The following KIAA1328 variants were observed in gnomAD, a reference collection of about 807,000 sequenced individuals.
KIAA1328 encodes protein hinderin.
A neutral mutation model predicts 68.1 loss-of-function variants in KIAA1328; 52 were observed. The ratio of observed to expected loss-of-function variants is 0.76; its 90% CI spans 0.61 to 0.96. The LOEUF (loss-of-function observed/expected upper bound fraction) is 0.96. KIAA1328 is among the 40% of genes least tolerant of loss of function. The probability of loss-of-function intolerance (pLI) is 0.00; values close to 1 mark genes in which losing one functional copy is unlikely to be tolerated. For missense variants in KIAA1328, 641 were observed against 677.6 expected, an observed-to-expected ratio of 0.95 and a Z score of 0.60; for synonymous variants, 232 against 239.4, an observed-to-expected ratio of 0.97 and a Z score of 0.28.
At chr18:37,232,058 A>G (rs942147198), downstream of KIAA1328, 2 of 152,204 alleles carry the variant, frequency 1.3e-5, no homozygotes, top group African/African-American at 4.8e-5. Flanking sequence ...TTTTCCAGGG[A>G]CAGTTATTTA....
intron 9 of KIAA1328, among the ~76,000 whole-genome samples, chr18:37,177,825 GTTTATT>G (rs1376144411): frequency 6.6e-6 from 1 of 151,870 alleles, no homozygotes; most frequent in Non-Finnish European, 1.5e-5. Context: ...TTAAAAAATA[GTTTATT>G]TTTATTAATT....
intron 1 of KIAA1328, among the ~76,000 whole-genome samples, chr18:36,831,850 A>C (rs961397073): frequency 6.6e-6 from 1 of 152,094 alleles, no homozygotes; most frequent in Non-Finnish European, 1.5e-5. Context: ...CTTCCTCTCT[A>C]CCACTTCTGC....
At chr18:37,133,792 G>A (rs538688378) in intron 7 of KIAA1328, among the ~76,000 whole-genome samples, 1 of 152,044 alleles carries the variant, frequency 6.6e-6, no homozygotes, top group Non-Finnish European at 1.5e-5. Context: ...CCAAAGTGCT[G>A]TGATTATAGG....
In KIAA1328 at chr18:36,834,291, T is replaced by G. The variant is rs763833651; in HGVS notation, c.59-29T>G. On this transcript the variant is annotated intron_variant, in intron 1 of 9. Transcript: ENST00000280020. ...GCATTTGGATGCCGGATAATATTAT[T>G]GTATTTTCCTTCATGTTCTCCTGCG... 4.5e-6 allele frequency: 7 copies of G among 1,543,950 alleles called. No homozygotes were observed. The South Asian group carries it at 9.3e-5, about 20-fold the overall frequency.
chr18:37,058,904 GT>G lies in KIAA1328; in HGVS notation c.577-7976del, dbSNP rs995042615. Among the ~76,000 whole-genome samples the G allele has an allele frequency of 3.0e-3, 446 of 147,820 alleles. 1 individual carries two copies. The highest frequency in any genetic ancestry group is 0.014 in the Middle Eastern group (4 of 282). ...GGAGGGTCTTTTGTGTGCAAGTTGT[GT>G]TTTTTTTTTCTTGGATAGTGGTTAC... On this transcript the variant is annotated intron_variant, in intron 6 of 9. Coordinates refer to ENST00000280020, the MANE Select transcript of KIAA1328 (RefSeq NM_020776.3).
At chr18:37,154,030 G>A (rs903752461) in intron 7 of KIAA1328, among the ~76,000 whole-genome samples, 1 of 152,028 alleles carries the variant, frequency 6.6e-6, no homozygotes, top group Non-Finnish European at 1.5e-5. Context: ...GTGCCTTAGA[G>A]AATCCGTGTT....
intron 9 of KIAA1328, 48 bp from the exon 10 acceptor site, chr18:37,221,969 A>AT (rs774726493): frequency 6.4e-7 from 1 of 1,569,892 alleles, no homozygotes; most frequent in Admixed American, 1.8e-5. Flanking sequence ...TTGAATTCTC[A>AT]TTTTCTAATA....
intron 6 of KIAA1328, among the ~76,000 whole-genome samples, chr18:37,059,521 T>C (rs1476643866): frequency 6.6e-6 from 1 of 152,054 alleles, no homozygotes; most frequent in East Asian, 1.9e-4. Context: ...ATGGCGATCA[T>C]TAAAAAGTGA....
intron 6 of KIAA1328, among the ~76,000 whole-genome samples, chr18:36,964,421 GT>G (rs2051829394): frequency 6.6e-6 from 1 of 152,062 alleles, no homozygotes; most frequent in African/African-American, 2.4e-5. Context: ...GACTTTTTCT[GT>G]TTCTTGTTTG....
intron 5 of KIAA1328, among the ~76,000 whole-genome samples, chr18:36,900,567 T>C (rs750613924): frequency 4.6e-5 from 7 of 152,002 alleles, no homozygotes; most frequent in Non-Finnish European, 8.8e-5. Flanking sequence ...TTAGTTTTTT[T>C]CAGCATTAGT....
At chr18:37,137,273 C>T (rs576993873) in intron 7 of KIAA1328, among the ~76,000 whole-genome samples, 36 of 152,146 alleles carry the variant, frequency 2.4e-4, no homozygotes, top group Non-Finnish European at 4.1e-4. Context: ...ATCAGTACCT[C>T]TTACATCTTC....
chr18:37,210,603 C>T (rs1168777730), intron 9 of KIAA1328, among the ~76,000 whole-genome samples: 2 of 152,086 alleles, frequency 1.3e-5, no homozygotes, highest in East Asian at 3.9e-4. Context: ...CCACACAGCC[C>T]CAGCAGGATC....
At chr18:37,045,970 A>G (rs942343678) in intron 6 of KIAA1328, among the ~76,000 whole-genome samples, 11 of 152,186 alleles carry the variant, frequency 7.2e-5, no homozygotes, top group Non-Finnish European at 1.5e-4. Flanking sequence ...TGTTTTGCCA[A>G]AAAGAATTGT....
At chr18:36,865,131 G>A (rs2047705401) in intron 4 of KIAA1328, among the ~76,000 whole-genome samples, 1 of 149,900 alleles carries the variant, frequency 6.7e-6, no homozygotes, top group South Asian at 2.1e-4. Flanking sequence ...CTTATAGTAG[G>A]AACTTAGAGA....
intron 7 of KIAA1328, among the ~76,000 whole-genome samples, chr18:37,130,951 C>A (rs1355589397): frequency 6.6e-6 from 1 of 152,088 alleles, no homozygotes; most frequent in Non-Finnish European, 1.5e-5. Flanking sequence ...ACCCCAGTAT[C>A]ATTTTATTGG....
At chr18:37,060,834 C>T (rs957136902) in intron 6 of KIAA1328, among the ~76,000 whole-genome samples, 5 of 151,952 alleles carry the variant, frequency 3.3e-5, no homozygotes, top group East Asian at 3.9e-4. Flanking sequence ...TACTATGCAG[C>T]GGGCTGAGCG....
At chr18:37,147,907 A>G (rs2058940032) in intron 7 of KIAA1328, among the ~76,000 whole-genome samples, 2 of 152,134 alleles carry the variant, frequency 1.3e-5, no homozygotes, top group South Asian at 2.1e-4. Context: ...CTAGCCTATT[A>G]TAGACCTAGG....
chr18:37,157,793 G>A (rs968319686), intron 7 of KIAA1328, among the ~76,000 whole-genome samples: 9 of 124,128 alleles, frequency 7.3e-5, no homozygotes, highest in Non-Finnish European at 1.1e-4. Flanking sequence ...GGGCAACAGA[G>A]TGAGACTCCT....
intron 8 of KIAA1328, among the ~76,000 whole-genome samples, chr18:37,168,655 A>G (rs1424053528): frequency 2.0e-5 from 3 of 152,234 alleles, no homozygotes; most frequent in Non-Finnish European, 2.9e-5. Flanking sequence ...ACTAAATGAC[A>G]TGTTTAACCA....
Sources: allele counts gnomAD v4.1 joint callset (sites outside exome capture counted in the v4.1 genomes callset), GRCh38; gene constraint gnomAD v4.1.1; transcripts MANE v1.5; gene names NCBI Gene and HGNC (gene_info 2026-07-23, HGNC 2026-07-21).